The following AGTPBP1 variants were observed in gnomAD, a reference collection of about 807,000 sequenced individuals.
The protein encoded by AGTPBP1 is cytosolic carboxypeptidase 1.
A neutral mutation model predicts 143.9 loss-of-function variants in AGTPBP1; 70 were observed. That is an observed-to-expected ratio of 0.49 (90% confidence interval 0.40 to 0.59). The LOEUF is 0.59. Ranked by LOEUF, AGTPBP1 falls within the 20% of genes least tolerant of loss-of-function variation. The pLI, the probability that AGTPBP1 is intolerant of heterozygous loss-of-function variation, is 0.00. For missense variants in AGTPBP1, 1,229 were observed against 1,464.5 expected, an observed-to-expected ratio of 0.84 and a Z score of 2.62; for synonymous variants, 463 against 500.2, an observed-to-expected ratio of 0.93 and a Z score of 0.99.
chr9:85,646,389 T>C lies in AGTPBP1; in HGVS notation c.1117A>G (p.Asn373Asp). ...VDDVVDESDDNDDIDVEAENE... is the reference protein window; with the variant it reads ...VDDVVDESDDDDDIDVEAENE... ...TCAGCTTCTACATCAATATCATCGT[T>C]GTCATCACTTTCATCTACTACGTCA... The change falls in exon 12 of 26, where the codon AAC becomes GAC. Residue 373 changes from asparagine to aspartate, a missense_variant. This residue lies in a region of AGTPBP1 where 743 missense variants were observed against 812.2 expected (regional missense o/e 0.91). Coordinates refer to ENST00000357081, the MANE Select transcript of AGTPBP1 (RefSeq NM_001330701.2). The C allele has an allele frequency of 6.2e-7, 1 of 1,613,108 alleles. No individual in the cohort carries two copies. The highest frequency in any genetic ancestry group is 8.5e-7 in the Non-Finnish European group (1 of 1,179,762).
intron 17 of AGTPBP1, among the ~76,000 whole-genome samples, chr9:85,602,474 G>A (rs1829735430): frequency 6.6e-6 from 1 of 152,062 alleles, no homozygotes; most frequent in Admixed American, 6.6e-5. Context: ...GAATAAAAAA[G>A]AATGAACAAA....
chr9:85,619,023 G>A lies in AGTPBP1; in HGVS notation c.2295C>T (p.Asn765=), dbSNP rs1056631384. Residue 765 remains asparagine (N), a synonymous_variant, in exon 17 of 26, where the codon AAC becomes AAT. Coordinates refer to ENST00000357081, the MANE Select transcript of AGTPBP1 (RefSeq NM_001330701.2). ...GMRPGVAYRF[N]IINCEKSNSQ... ...TGTTGGACTTTTCACAGTTAATGAT[G>A]TTAAACCTGTAAGCAACACCTGGTC... The A allele has an allele frequency of 6.2e-7, 1 of 1,613,766 alleles. No individual in the cohort carries two copies. The highest frequency in any genetic ancestry group is 8.5e-7 in the Non-Finnish European group (1 of 1,179,832).
intron 13 of AGTPBP1, among the ~76,000 whole-genome samples, chr9:85,636,970 A>AGG (rs1832099369): frequency 6.6e-6 from 1 of 152,062 alleles, no homozygotes; most frequent in Non-Finnish European, 1.5e-5. Context: ...TACACTTACC[A>AGG]TACATACCAC....
chr9:85,607,581 T>C (rs1001923692), intron 17 of AGTPBP1, among the ~76,000 whole-genome samples: 2 of 152,106 alleles, frequency 1.3e-5, no homozygotes, highest in African/African-American at 4.8e-5. Flanking sequence ...CTTAAAACTG[T>C]AAATTTTTTG....
the AGTPBP1 span, among the ~76,000 whole-genome samples, chr9:85,767,464 C>T: frequency 6.6e-5 from 10 of 152,072 alleles, no homozygotes; most frequent in East Asian, 1.5e-3. Context: ...TTCCCTGCCT[C>T]AGCCACTCGA....
intron 1 of AGTPBP1, among the ~76,000 whole-genome samples, chr9:85,741,102 T>A (rs1043750368): frequency 2.6e-4 from 39 of 152,158 alleles, no homozygotes; most frequent in Non-Finnish European, 5.1e-4. Context: ...GAACCCGCAA[T>A]TCAGGAAGGA....
chr9:85,771,721 C>T, the AGTPBP1 span, among the ~76,000 whole-genome samples: 19 of 150,116 alleles, frequency 1.3e-4, no homozygotes, highest in Non-Finnish European at 2.4e-4. Context: ...GGCGTGATCT[C>T]GGCTCAGTGC....
intron 18 of AGTPBP1, among the ~76,000 whole-genome samples, chr9:85,595,541 T>C (rs1408821828): frequency 6.6e-6 from 1 of 152,184 alleles, no homozygotes; most frequent in Non-Finnish European, 1.5e-5. Context: ...TATTTATTTA[T>C]TTAGAGACGG....
intron 8 of AGTPBP1, among the ~76,000 whole-genome samples, chr9:85,666,694 C>T (rs1021864910): frequency 9.2e-5 from 14 of 151,956 alleles, no homozygotes; most frequent in Non-Finnish European, 1.8e-4. Flanking sequence ...TTTCATTTCC[C>T]CTGGAAACAT....
At chr9:85,750,354 C>T in the AGTPBP1 span, among the ~76,000 whole-genome samples, 1 of 152,116 alleles carries the variant, frequency 6.6e-6, no homozygotes, top group Non-Finnish European at 1.5e-5. Flanking sequence ...ATAATAGAGT[C>T]CAAATTCACT....
At chr9:85,704,738 T>C (rs1399237797) in intron 2 of AGTPBP1, among the ~76,000 whole-genome samples, 1 of 152,114 alleles carries the variant, frequency 6.6e-6, no homozygotes, top group East Asian at 1.9e-4. Context: ...CAGAAACAGG[T>C]AAGTACAATC....
intron 14 of AGTPBP1, among the ~76,000 whole-genome samples, chr9:85,623,346 T>A (rs1195688190): frequency 6.6e-6 from 1 of 152,320 alleles, no homozygotes; most frequent in East Asian, 1.9e-4. Context: ...AAATGGCCTA[T>A]ATACCTGTTT....
chr9:85,768,558 A>T, the AGTPBP1 span, among the ~76,000 whole-genome samples: 2 of 152,186 alleles, frequency 1.3e-5, no homozygotes, highest in African/African-American at 4.8e-5. Flanking sequence ...TATATTGGAT[A>T]ATTCACTTTT....
chr9:85,803,122 G>A, the AGTPBP1 span, among the ~76,000 whole-genome samples: 2,577 of 152,170 alleles, frequency 0.017, 87 homozygotes, highest in African/African-American at 0.058. Flanking sequence ...TACTTATCTC[G>A]ACATGTCCCA....
At chr9:85,763,915 A>T in the AGTPBP1 span, among the ~76,000 whole-genome samples, 1 of 152,200 alleles carries the variant, frequency 6.6e-6, no homozygotes, top group African/African-American at 2.4e-5. Flanking sequence ...GTATTTTACA[A>T]ATTACCTGAA....
chr9:85,718,973 G>A (rs1333315826), intron 1 of AGTPBP1, among the ~76,000 whole-genome samples: 1 of 152,068 alleles, frequency 6.6e-6, no homozygotes, highest in African/African-American at 2.4e-5. Context: ...AAGATCAGAT[G>A]GTTGCAGATG....
intron 1 of AGTPBP1, among the ~76,000 whole-genome samples, chr9:85,718,214 G>C (rs1564178325): frequency 6.7e-6 from 1 of 150,132 alleles, no homozygotes; most frequent in South Asian, 2.1e-4. Flanking sequence ...CTGGGTTCTA[G>C]TTCTAGTTCT....
the AGTPBP1 span, among the ~76,000 whole-genome samples, chr9:85,797,922 T>C: frequency 5.3e-4 from 80 of 152,206 alleles, no homozygotes; most frequent in African/African-American, 1.9e-3. Flanking sequence ...AGACGGACTC[T>C]CACTCTGTCA....
the AGTPBP1 span, among the ~76,000 whole-genome samples, chr9:85,768,875 C>T: frequency 4.0e-5 from 6 of 150,336 alleles, no homozygotes; most frequent in Non-Finnish European, 7.4e-5. Flanking sequence ...GTTGCAAAAC[C>T]CCTTCTCAAC....
Sources: gnomAD v4.1 joint callset for allele counts (sites outside exome capture counted in the v4.1 genomes callset) on GRCh38, gnomAD v4.1.1 for gene constraint, gnomAD v4.1.1 regional missense constraint, MANE v1.5 for transcripts, NCBI Gene and HGNC (gene_info 2026-07-23, HGNC 2026-07-21) for gene names.